The following CNTN6 variants were observed in gnomAD, a reference collection of about 807,000 sequenced individuals.
CNTN6 encodes the protein contactin-6.
CNTN6 carries 137 observed loss-of-function variants against 122.8 expected under a neutral mutation model. That is an observed-to-expected ratio of 1.12 (90% CI 0.97 to 1.29). The LOEUF (loss-of-function observed/expected upper bound fraction) is 1.29. CNTN6 is among the 50% of genes most tolerant of loss of function. The pLI, the probability that CNTN6 is intolerant of heterozygous loss-of-function variation, is 0.00. For missense variants in CNTN6, 1,634 were observed against 1,223.4 expected, an observed-to-expected ratio of 1.34 and a Z score of -5.01; for synonymous variants, 570 against 426.0, an observed-to-expected ratio of 1.34 and a Z score of -4.16.
chr3:1,338,603 TC>T (rs1267662520), intron 11 of CNTN6, among the ~76,000 whole-genome samples: 1 of 152,178 alleles, frequency 6.6e-6, no homozygotes, highest in African/African-American at 2.4e-5. Flanking sequence ...TCCTTAGTTC[TC>T]CCCTTTTTGA....
intron 12 of CNTN6, 55 bp downstream of exon 12, chr3:1,352,506 TA>T: frequency 6.3e-7 from 1 of 1,596,802 alleles, no homozygotes; most frequent in Non-Finnish European, 8.6e-7. Flanking sequence ...GCAGGCATAT[TA>T]TGACTTGTGT....
chr3:1,102,874 G>A (rs1047320801), intron 1 of CNTN6, among the ~76,000 whole-genome samples: 5 of 151,066 alleles, frequency 3.3e-5, no homozygotes, highest in South Asian at 2.1e-4. Flanking sequence ...TTTGGAGGCC[G>A]AGGCGGGCGG....
intron 4 of CNTN6, among the ~76,000 whole-genome samples, chr3:1,234,338 T>A (rs2094395156): frequency 6.6e-6 from 1 of 152,200 alleles, no homozygotes; most frequent in South Asian, 2.1e-4. Context: ...TCTAAGATAT[T>A]TGTGTATTTA....
intron 4 of CNTN6, among the ~76,000 whole-genome samples, chr3:1,232,174 T>G (rs936941576): frequency 6.6e-6 from 1 of 152,234 alleles, no homozygotes; most frequent in Non-Finnish European, 1.5e-5. Flanking sequence ...GATAAACATT[T>G]ATGATAAAAG....
intron 8 of CNTN6, among the ~76,000 whole-genome samples, chr3:1,322,566 A>G (rs1292370899): frequency 6.6e-6 from 1 of 151,748 alleles, no homozygotes; most frequent in Non-Finnish European, 1.5e-5. Flanking sequence ...GTATTGATAT[A>G]TGGCCAAAAT....
chr3:1,290,529 G>A (rs944515417), intron 5 of CNTN6, among the ~76,000 whole-genome samples: 2 of 152,126 alleles, frequency 1.3e-5, no homozygotes, highest in African/African-American at 2.4e-5. Flanking sequence ...ATGGGAAAGG[G>A]GTTCAGATCC....
In CNTN6 at chr3:1,292,938, C is replaced by T. The variant is rs141735150; in HGVS notation, c.455-2663C>T. Reference sequence around the variant, plus strand: ...ACACACAAAGTTCCCACACTCATAACATGCTTTTTACCTAACAATGCTGCT... The same window carrying T: ...ACACACAAAGTTCCCACACTCATAATATGCTTTTTACCTAACAATGCTGCT... On this transcript the variant is annotated intron_variant, in intron 5 of 22. Transcript: ENST00000446702. Among the ~76,000 whole-genome samples, 554 of 151,982 alleles carry T rather than the reference C, an allele frequency of 3.6e-3. 4 individuals carry two copies. Among genetic ancestry groups the T allele is most frequent in the Non-Finnish European group, 6.9e-3 (470 of 67,928 alleles).
At chr3:1,274,186 C>T (rs1239613038) in intron 4 of CNTN6, among the ~76,000 whole-genome samples, 8 of 151,968 alleles carry the variant, frequency 5.3e-5, no homozygotes, top group Non-Finnish European at 8.8e-5. Context: ...TAAAATAAAG[C>T]TTATTAGGCT....
rs1398211198 is a variant in CNTN6, at chr3:1,175,226, A to AC, written c.55+27163_55+27164insC. Reference sequence around the variant, plus strand: ...CAAGAGAGTGAGACTTTGTCTCAAAAAAAAAAAAAAAAAAAAAAGACATAT... The same window carrying AC: ...CAAGAGAGTGAGACTTTGTCTCAAAACAAAAAAAAAAAAAAAAAAGACATAT... On this transcript the variant is annotated intron_variant, in intron 2 of 22. Coordinates refer to ENST00000446702, the MANE Select transcript of CNTN6 (RefSeq NM_001289080.2). 3.2e-3 allele frequency among the ~76,000 whole-genome samples: 489 copies of AC among 150,514 alleles called. 2 individuals carry two copies. The highest frequency in any genetic ancestry group is 0.011 in the African/African-American group (459 of 40,888).
chr3:1,145,175 T>A (rs937836308), intron 1 of CNTN6, among the ~76,000 whole-genome samples: 1 of 152,182 alleles, frequency 6.6e-6, no homozygotes, highest in South Asian at 2.1e-4. Context: ...ATAACAGTTG[T>A]GAGATATACC....
intron 19 of CNTN6, among the ~76,000 whole-genome samples, chr3:1,384,614 T>C (rs889353639): frequency 2.6e-5 from 4 of 151,282 alleles, no homozygotes; most frequent in Admixed American, 1.3e-4. Context: ...ACATAATTTA[T>C]TTAACTTTGG....
intron 2 of CNTN6, among the ~76,000 whole-genome samples, chr3:1,184,000 G>C (rs971127604): frequency 1.3e-5 from 2 of 152,158 alleles, no homozygotes; most frequent in Non-Finnish European, 2.9e-5. Flanking sequence ...GCCATTTTCA[G>C]TTCCTTGCAA....
At chr3:1,247,852 T>TA (rs201448124) in intron 4 of CNTN6, among the ~76,000 whole-genome samples, 4,489 of 150,658 alleles carry the variant, frequency 0.03, 105 homozygotes, top group African/African-American at 0.067. Context: ...TAACATTTGT[T>TA]AAAAAAAAAA....
rs376459520 is a variant in CNTN6, at chr3:1,167,577, A to C, written c.55+19514A>C. On this transcript the variant is annotated intron_variant, in intron 2 of 22. Transcript: ENST00000446702. ...TTCCTATGCACTTTTACACTCTTTT[A>C]ATCTCCCAGGTGATTAGATATATAG... 8.3e-5 allele frequency among the ~76,000 whole-genome samples: 11 copies of C among 132,288 alleles called. No individual in the cohort carries two copies. In the East Asian group the frequency reaches 2.6e-3, roughly 32 times the overall value. The allele number at this position is 132,288 out of a possible 152,430, so 86.8% of individuals were successfully genotyped here.
chr3:1,116,565 A>G (rs1256819605), intron 1 of CNTN6, among the ~76,000 whole-genome samples: 1 of 152,198 alleles, frequency 6.6e-6, no homozygotes, highest in Non-Finnish European at 1.5e-5. Flanking sequence ...AAAGTACTGA[A>G]TATGGAATAT....
intron 1 of CNTN6, among the ~76,000 whole-genome samples, chr3:1,141,338 C>G (rs1354552372): frequency 6.6e-6 from 1 of 152,148 alleles, no homozygotes; most frequent in East Asian, 1.9e-4. Flanking sequence ...ACTATGAAAT[C>G]CTTTAGTATC....
chr3:1,342,769 C>A (rs1171456800), intron 11 of CNTN6, among the ~76,000 whole-genome samples: 1 of 151,978 alleles, frequency 6.6e-6, no homozygotes, highest in Admixed American at 6.6e-5. Flanking sequence ...TTGTATTATA[C>A]CCTTTAGTTT....
chr3:1,262,956 A>C (rs1401233005), intron 4 of CNTN6, among the ~76,000 whole-genome samples: 1 of 152,186 alleles, frequency 6.6e-6, no homozygotes, highest in African/African-American at 2.4e-5. Context: ...TGTAATAATT[A>C]AATCTACATA....
intron 12 of CNTN6, among the ~76,000 whole-genome samples, chr3:1,364,041 T>C (rs78840863): frequency 0.037 from 5,677 of 152,032 alleles, 137 homozygotes; most frequent in South Asian, 0.054. Flanking sequence ...ACCTATTGGC[T>C]ATTTGTATGT....
Sources: gnomAD v4.1 joint callset for allele counts (sites outside exome capture counted in the v4.1 genomes callset) on GRCh38, gnomAD v4.1.1 for gene constraint, MANE v1.5 for transcripts, NCBI Gene and HGNC (gene_info 2026-07-23, HGNC 2026-07-21) for gene names.